The following GORASP2 variants were observed in gnomAD, a reference collection of about 807,000 sequenced individuals.
GORASP2 encodes golgi reassembly stacking protein 2.
A neutral mutation model predicts 45.7 loss-of-function variants in GORASP2; 22 were observed. The ratio of observed to expected loss-of-function variants is 0.48; its 90% confidence interval spans 0.34 to 0.69. GORASP2 has a LOEUF of 0.69. Among genes scored for constraint, GORASP2 ranks in the 30% least tolerant of loss-of-function variants. GORASP2 has a pLI of 0.01. For synonymous variants in GORASP2, 221 were observed against 215.6 expected, an observed-to-expected ratio of 1.02 and a Z score of -0.22; for missense variants, 491 against 562.7, an observed-to-expected ratio of 0.87 and a Z score of 1.29.
At chr2:170,939,777 T>TA (rs1171814824) in intron 1 of GORASP2, among the ~76,000 whole-genome samples, 5 of 152,040 alleles carry the variant, frequency 3.3e-5, no homozygotes, top group Admixed American at 1.3e-4. Context: ...CCCTCCTCAC[T>TA]AAAAAAAATG....
intron 5 of GORASP2, 98 bp downstream of exon 5, chr2:170,951,556 T>G (rs1704298772): frequency 2.0e-6 from 2 of 996,562 alleles, no homozygotes; most frequent in Non-Finnish European, 2.9e-6. Flanking sequence ...AATTACTGGT[T>G]TATTTTAAGA....
chr2:170,958,941 A>T (rs1704490866), intron 7 of GORASP2, among the ~76,000 whole-genome samples: 1 of 151,898 alleles, frequency 6.6e-6, no homozygotes, highest in African/African-American at 2.4e-5. Flanking sequence ...AAGTGCTGGG[A>T]TTACAGGCGT....
At chr2:170,929,709 C>A in intron 1 of GORASP2, 1 of 596,682 alleles carries the variant, frequency 1.7e-6, no homozygotes, top group Non-Finnish European at 3.2e-6. Context: ...TCCGCACGGC[C>A]TTCTCTCTCC....
At chr2:170,932,227 CAAAA>C (rs565934814) in intron 1 of GORASP2, among the ~76,000 whole-genome samples, 5 of 147,514 alleles carry the variant, frequency 3.4e-5, no homozygotes, top group Non-Finnish European at 7.5e-5. Context: ...GACTTCTTTT[CAAAA>C]AAAAAAGAGT....
intron 1 of GORASP2, among the ~76,000 whole-genome samples, chr2:170,931,968 C>G (rs938800473): frequency 1.3e-5 from 2 of 152,246 alleles, no homozygotes; most frequent in Admixed American, 6.5e-5. Flanking sequence ...TGGCTCACAC[C>G]TGTAATCCCC....
chr2:170,948,277 GA>G, intron 1 of GORASP2, 72 bp from the exon 2 acceptor site: 1 of 845,104 alleles, frequency 1.2e-6, no homozygotes, highest in African/African-American at 1.7e-5. Flanking sequence ...TATTTTTACT[GA>G]AAAGAGAGAT....
rs758435905 is a variant in GORASP2 at position 170,954,773 on chromosome 2, G to T, written c.690G>T (p.Gly230=). 4 of 1,611,030 alleles carry T rather than the reference G, an allele frequency of 2.5e-6. No homozygotes were observed. The East Asian group carries it at 8.9e-5, about 36-fold the overall frequency. The change falls in exon 6 of 10, where the codon GGG becomes GGT. Residue 230 remains glycine (G), a synonymous_variant. Coordinates refer to ENST00000234160, the MANE Select transcript of GORASP2 (RefSeq NM_015530.5). ...AGTPITPLKD[G]FTEVQLSSVN... ...CACCTATTACACCTCTTAAAGATGG[G>T]TTTACAGAGGTAAGATCACGTTCCT...
chr2:170,946,206 A>G (rs1485727514), intron 1 of GORASP2, among the ~76,000 whole-genome samples: 4 of 151,974 alleles, frequency 2.6e-5, no homozygotes, highest in South Asian at 2.1e-4. Context: ...GGGTCTCCCT[A>G]TATTGCCCAG....
At chr2:170,948,088 C>T (rs1436140281) in intron 1 of GORASP2, among the ~76,000 whole-genome samples, 1 of 152,072 alleles carries the variant, frequency 6.6e-6, no homozygotes, top group Non-Finnish European at 1.5e-5. Flanking sequence ...TGTGCCACTG[C>T]ATTCCAGCCT....
At chr2:170,931,161 A>G (rs1703813604) in intron 1 of GORASP2, among the ~76,000 whole-genome samples, 1 of 152,206 alleles carries the variant, frequency 6.6e-6, no homozygotes, top group African/African-American at 2.4e-5. Flanking sequence ...TGATTTTTAG[A>G]AAAACTAGGG....
At chr2:170,935,235 G>T (rs919513540) in intron 1 of GORASP2, among the ~76,000 whole-genome samples, 2 of 152,016 alleles carry the variant, frequency 1.3e-5, no homozygotes, top group Non-Finnish European at 2.9e-5. Flanking sequence ...GAACAAATTA[G>T]TAGTTTCATG....
At chr2:170,937,083 C>T (rs940111253) in intron 1 of GORASP2, among the ~76,000 whole-genome samples, 2 of 152,072 alleles carry the variant, frequency 1.3e-5, no homozygotes, top group Non-Finnish European at 2.9e-5. Context: ...TGGCGCGTGC[C>T]TGTAATCCCA....
At chr2:170,930,078 T>A (rs1703782919) in intron 1 of GORASP2, 1 of 229,638 alleles carries the variant, frequency 4.4e-6, no homozygotes, top group Admixed American at 5.3e-5. Flanking sequence ...AGGGTGTGGT[T>A]TAGATTATAA....
intron 6 of GORASP2, among the ~76,000 whole-genome samples, chr2:170,955,340 C>T (rs1004131585): frequency 2.6e-5 from 4 of 151,862 alleles, no homozygotes; most frequent in Non-Finnish European, 4.4e-5. Context: ...TTTCAAGAAA[C>T]GATTGAGAAA....
intron 1 of GORASP2, among the ~76,000 whole-genome samples, chr2:170,947,907 G>T (rs1436874205): frequency 6.6e-6 from 1 of 152,120 alleles, no homozygotes; most frequent in Non-Finnish European, 1.5e-5. Context: ...GATCCCTTGA[G>T]CCCAGGAGTT....
chr2:170,929,531 G>T (rs1575464666), intron 1 of GORASP2, 128 bp downstream of exon 1: 1 of 804,494 alleles, frequency 1.2e-6, no homozygotes. Flanking sequence ...GGCGGTCGCG[G>T]GCGCTGCCTT....
chr2:170,935,435 A>G lies in GORASP2; in HGVS notation c.63+6032A>G, dbSNP rs867911059. Among the ~76,000 whole-genome samples, 33 of 151,868 alleles carry G rather than the reference A, an allele frequency of 2.2e-4. No homozygotes were observed. The Middle Eastern group carries it at 0.014, about 63-fold the overall frequency. On this transcript the variant is annotated intron_variant, in intron 1 of 9. Coordinates refer to ENST00000234160, the MANE Select transcript of GORASP2 (RefSeq NM_015530.5). Reference sequence around the variant, plus strand: ...ACACCCAACTAATTTTTGTATTTTTAGTAGAGACAGGGTTTCACCTTATTG... The same window carrying G: ...ACACCCAACTAATTTTTGTATTTTTGGTAGAGACAGGGTTTCACCTTATTG...
intron 1 of GORASP2, among the ~76,000 whole-genome samples, chr2:170,931,836 T>C (rs1448667755): frequency 6.6e-6 from 1 of 152,228 alleles, no homozygotes; most frequent in Non-Finnish European, 1.5e-5. Context: ...ATTTTCAGAT[T>C]GTGATCATAT....
chr2:170,959,821 C>CTTT (rs35210942), intron 7 of GORASP2, among the ~76,000 whole-genome samples: 39 of 124,528 alleles, frequency 3.1e-4, no homozygotes, highest in Non-Finnish European at 4.1e-4. Flanking sequence ...TCACCTTTTT[C>CTTT]TTTTTTTTTT....
Sources: gnomAD v4.1 joint callset for allele counts (sites outside exome capture counted in the v4.1 genomes callset) on GRCh38, gnomAD v4.1.1 for gene constraint, MANE v1.5 for transcripts, NCBI Gene and HGNC (gene_info 2026-07-23, HGNC 2026-07-21) for gene names.